APBA2: variants seen among roughly 807,000 people sequenced by gnomAD.
APBA2 encodes amyloid beta precursor protein binding family A member 2, also known as amyloid-beta A4 precursor protein-binding family A member 2.
A neutral mutation model predicts 75.0 loss-of-function variants in APBA2; 30 were observed. That is an observed-to-expected ratio of 0.40 (90% confidence interval 0.30 to 0.54). The LOEUF is 0.54. APBA2 is among the 20% of genes least tolerant of loss of function. APBA2 has a pLI of 0.49. For missense variants in APBA2, 801 were observed against 1,016.1 expected, an observed-to-expected ratio of 0.79 and a Z score of 2.88; for synonymous variants, 444 against 409.6, an observed-to-expected ratio of 1.08 and a Z score of -1.01.
intron 3 of APBA2, among the ~76,000 whole-genome samples, chr15:29,037,035 A>C (rs2040787385): frequency 6.6e-6 from 1 of 152,064 alleles, no homozygotes; most frequent in African/African-American, 2.4e-5. Flanking sequence ...AAAAAAAGAG[A>C]AAGTTTTGCA....
At position 29,053,169 on chromosome 15, in the gene APBA2, G is replaced by A. The variant is rs572400744; in HGVS notation, c.-40-676G>A. Among the ~76,000 whole-genome samples the A allele has an allele frequency of 5.9e-5, 9 of 152,326 alleles. No homozygotes were observed. In the East Asian group the frequency reaches 1.2e-3, roughly 20 times the overall value. On this transcript the variant is annotated intron_variant, in intron 3 of 14. Transcript: ENST00000683413. The stretch of plus-strand genomic sequence containing the variant: ...TGTCACCCCACGATACCTGCAGGCT[G>A]CGGCTGCACCCTTTGTCCTCTTCTC...
At chr15:28,890,489 G>GGGC in intron 1 of APBA2, among the ~76,000 whole-genome samples, 1 of 152,100 alleles carries the variant, frequency 6.6e-6, no homozygotes, top group South Asian at 2.1e-4. Context: ...GTCAGACTCT[G>GGGC]TCCCAGGGCT....
intron 6 of APBA2, among the ~76,000 whole-genome samples, chr15:29,082,485 C>A: frequency 6.6e-6 from 1 of 152,266 alleles, no homozygotes; most frequent in East Asian, 1.9e-4. Context: ...TACCATTTGA[C>A]CAATATCTCC....
chr15:29,108,463 T>C (rs1360415588), intron 13 of APBA2, 74 bp downstream of exon 13: 5 of 1,609,682 alleles, frequency 3.1e-6, no homozygotes, highest in Non-Finnish European at 4.2e-6. Context: ...TCCCGTCCAA[T>C]GGGGCAGGCT....
Position 29,023,441 on chromosome 15 carries a change from C to CTTTTTTTTT in APBA2, c.-41+27659_-41+27667dup, listed in dbSNP as rs10604525. ...ATTTGATGGCCATTATACCTTTTTC[C>CTTTTTTTTT]TTTTTTTTTTTTTTTTTTTTTTTTT... On this transcript the variant is annotated intron_variant, in intron 3 of 14. Transcript: ENST00000683413. Among the ~76,000 whole-genome samples, 84 of 73,302 alleles carry CTTTTTTTTT rather than the reference C, an allele frequency of 1.1e-3. 4 individuals are homozygous for CTTTTTTTTT. The highest frequency in any genetic ancestry group is 1.7e-3 in the Non-Finnish European group (69 of 41,370). 48.1% of individuals were successfully genotyped at this position (73,302 alleles called of 152,430 possible). A position where few individuals can be genotyped will look rare whatever the true frequency, so the allele number is the denominator to read the frequency against.
chr15:28,965,007 A>C (rs953586358), intron 2 of APBA2, among the ~76,000 whole-genome samples: 2 of 151,384 alleles, frequency 1.3e-5, no homozygotes, highest in Non-Finnish European at 2.9e-5. Flanking sequence ...CCTTTTATGG[A>C]TATTGTGTTT....
chr15:28,950,245 T>G (rs2035782642), intron 2 of APBA2, among the ~76,000 whole-genome samples: 1 of 152,176 alleles, frequency 6.6e-6, no homozygotes, highest in Non-Finnish European at 1.5e-5. Context: ...CATACATCAA[T>G]GTTGCATGAT....
At chr15:28,912,096 G>A (rs535516911) in intron 1 of APBA2, among the ~76,000 whole-genome samples, 26 of 152,104 alleles carry the variant, frequency 1.7e-4, no homozygotes, top group African/African-American at 6.3e-4. Context: ...AATAGCATAC[G>A]TGCTTGAGAT....
At chr15:28,989,357 C>G (rs2038095223) in intron 2 of APBA2, among the ~76,000 whole-genome samples, 1 of 152,186 alleles carries the variant, frequency 6.6e-6, no homozygotes, top group East Asian at 1.9e-4. Flanking sequence ...TGATGGCTCC[C>G]CACGGTGGGC....
chr15:29,023,591 G>C (rs4779469), intron 3 of APBA2, among the ~76,000 whole-genome samples: 54,487 of 150,682 alleles, frequency 0.36, 16,050 homozygotes, highest in African/African-American at 0.79. Context: ...GAGTAACTGT[G>C]AATACAGGCG....
chr15:28,934,791 C>T (rs898031269), intron 2 of APBA2, among the ~76,000 whole-genome samples: 2 of 152,212 alleles, frequency 1.3e-5, no homozygotes, highest in African/African-American at 4.8e-5. Context: ...GGCTATGGCC[C>T]ACATGGGCTG....
intron 6 of APBA2, among the ~76,000 whole-genome samples, chr15:29,092,460 C>T (rs549173152): frequency 3.9e-4 from 60 of 152,264 alleles, no homozygotes; most frequent in African/African-American, 1.3e-3. Context: ...ATGTGGGTAG[C>T]GGATCCTGTA....
chr15:29,007,389 C>G (rs2039173281), intron 3 of APBA2, among the ~76,000 whole-genome samples: 1 of 152,088 alleles, frequency 6.6e-6, no homozygotes, highest in Non-Finnish European at 1.5e-5. Context: ...GTAAGTTGGA[C>G]TTCATCTAAT....
chr15:29,065,096 T>C (rs570004598), intron 4 of APBA2, among the ~76,000 whole-genome samples: 26 of 151,842 alleles, frequency 1.7e-4, no homozygotes, highest in Middle Eastern at 3.4e-3. Context: ...CTAGGGCAGA[T>C]TGTGGGGAGT....
intron 2 of APBA2, among the ~76,000 whole-genome samples, chr15:28,985,978 C>G (rs552727852): frequency 1.3e-5 from 2 of 152,296 alleles, no homozygotes; most frequent in South Asian, 2.1e-4. Context: ...CCAGCAAGAT[C>G]CTCCTGGGGG....
At chr15:28,924,763 T>C (rs2034166640) in intron 2 of APBA2, among the ~76,000 whole-genome samples, 2 of 152,152 alleles carry the variant, frequency 1.3e-5, no homozygotes, top group South Asian at 4.1e-4. Context: ...TTCAACTCTT[T>C]TGTGTATGTA....
At position 29,117,135 on chromosome 15, in the gene APBA2, C is replaced by T; in HGVS notation, c.*2C>T. The T allele has an allele frequency of 2.5e-6, 4 of 1,612,868 alleles. No individual in the cohort carries two copies. Among genetic ancestry groups the T allele is most frequent in the Non-Finnish European group, 3.4e-6 (4 of 1,179,718 alleles). On this transcript the variant is annotated 3_prime_UTR_variant, in exon 15 of 15. Transcript: ENST00000683413. The stretch of plus-strand genomic sequence containing the variant: ...CAGGAGACCCCGCTGTACATCTAGG[C>T]CACCCCAGCCTGGCCACGCAGCCAG...
chr15:29,070,782 G>T, intron 4 of APBA2: 1 of 267,794 alleles, frequency 3.7e-6, no homozygotes, highest in Non-Finnish European at 7.4e-6. Context: ...AGCGGGTCTC[G>T]GCCGCCCCTT....
At chr15:28,944,556 G>GT (rs1327287969) in intron 2 of APBA2, among the ~76,000 whole-genome samples, 1 of 152,220 alleles carries the variant, frequency 6.6e-6, no homozygotes, top group African/African-American at 2.4e-5. Flanking sequence ...AAGCCCATCT[G>GT]TTTCTTAGAG....
Sources: allele counts gnomAD v4.1 joint callset (sites outside exome capture counted in the v4.1 genomes callset), GRCh38; gene constraint gnomAD v4.1.1; transcripts MANE v1.5; gene names NCBI Gene and HGNC (gene_info 2026-07-23, HGNC 2026-07-21).